The following EFHD2 variants were observed in gnomAD, a reference collection of about 807,000 sequenced individuals.
EFHD2 encodes EF-hand domain-containing protein D2.
A neutral mutation model predicts 20.3 loss-of-function variants in EFHD2; 12 were observed. The ratio of observed to expected loss-of-function variants is 0.59; its 90% confidence interval spans 0.38 to 0.96. The LOEUF is 0.96. EFHD2 is among the 40% of genes least tolerant of loss of function. The pLI, the probability that EFHD2 is intolerant of heterozygous loss-of-function variation, is 0.00. For synonymous variants in EFHD2, 131 were observed against 143.9 expected, an observed-to-expected ratio of 0.91 and a Z score of 0.64; for missense variants, 250 against 334.3, an observed-to-expected ratio of 0.75 and a Z score of 1.97.
intron 1 of EFHD2, among the ~76,000 whole-genome samples, chr1:15,418,550 C>A (rs1198828008): frequency 6.6e-6 from 1 of 152,038 alleles, no homozygotes; most frequent in African/African-American, 2.4e-5. Context: ...TGTGATCCGC[C>A]CGCCTTGGCC....
rs79208067 is a variant in EFHD2, at chr1:15,417,329, G to T, written c.308+7050G>T. The stretch of plus-strand genomic sequence containing the variant: ...AAACACTGGGTTATGTTAATATTAG[G>T]CATTCAATAAATATTCTTTATAATC... On this transcript the variant is annotated intron_variant, in intron 1 of 3. Transcript: ENST00000375980. 7.4e-3 allele frequency among the ~76,000 whole-genome samples: 1,126 copies of T among 152,290 alleles called. 13 individuals are homozygous for T. Among genetic ancestry groups the T allele is most frequent in the African/African-American group, 0.026 (1,065 of 41,530 alleles).
chr1:15,420,509 T>C (rs1707771023), intron 1 of EFHD2, among the ~76,000 whole-genome samples: 1 of 140,646 alleles, frequency 7.1e-6, no homozygotes, highest in Non-Finnish European at 1.5e-5. Context: ...GCCCAGCTAA[T>C]TATTTATTTA....
intron 1 of EFHD2, among the ~76,000 whole-genome samples, chr1:15,425,146 A>G (rs1454087706): frequency 6.6e-6 from 1 of 152,142 alleles, no homozygotes; most frequent in Non-Finnish European, 1.5e-5. Context: ...CCAAGTGCCC[A>G]TGGAGATGCC....
chr1:15,414,838 T>C (rs1258069984), intron 1 of EFHD2, among the ~76,000 whole-genome samples: 2 of 152,144 alleles, frequency 1.3e-5, no homozygotes, highest in Non-Finnish European at 2.9e-5. Context: ...TCACCTAGTT[T>C]CAGGGAAGGC....
At chr1:15,418,426 C>T (rs973927851) in intron 1 of EFHD2, among the ~76,000 whole-genome samples, 34 of 151,202 alleles carry the variant, frequency 2.2e-4, no homozygotes, top group Admixed American at 2.6e-4. Context: ...CTGCCTCAGC[C>T]TCCCGAGTAG....
chr1:15,424,538 G>A (rs1045627710), intron 1 of EFHD2, among the ~76,000 whole-genome samples: 1 of 152,092 alleles, frequency 6.6e-6, no homozygotes, highest in African/African-American at 2.4e-5. Flanking sequence ...TCTATCGCCC[G>A]ATGCTTGTTC....
chr1:15,427,493 G>T (rs1188653531), intron 3 of EFHD2, among the ~76,000 whole-genome samples: 1 of 152,216 alleles, frequency 6.6e-6, no homozygotes, highest in Non-Finnish European at 1.5e-5. Flanking sequence ...CAAGGGGGTG[G>T]GTGAGGGGGG....
rs1345000358 is a variant in EFHD2, at chr1:15,413,643, T to C, written c.308+3364T>C. ...TTCCTCCTGAGAGAGACCTGAAGGG[T>C]TGACTCCAACCCCTCTCCCCATTTG... On this transcript the variant is annotated intron_variant, in intron 1 of 3. Transcript: ENST00000375980. The surrounding 1 kb of genome is among the most constrained non-coding windows in gnomAD (Gnocchi z 4.4). Among the ~76,000 whole-genome samples, 1 of 152,040 alleles carries C rather than the reference T, an allele frequency of 6.6e-6. No homozygotes were observed. Among genetic ancestry groups the C allele is most frequent in the Non-Finnish European group, 1.5e-5 (1 of 67,998 alleles).
At chr1:15,427,010 C>T (rs1277181812) in intron 2 of EFHD2, 140 bp from the exon 3 acceptor site, 12 of 1,163,190 alleles carry the variant, frequency 1.0e-5, no homozygotes, top group Middle Eastern at 5.9e-4. Flanking sequence ...ACGGGAGCAG[C>T]AAGGGGCGAG....
At chr1:15,418,527 A>G (rs112146896) in intron 1 of EFHD2, among the ~76,000 whole-genome samples, 20,026 of 150,508 alleles carry the variant, frequency 0.13, 2,105 homozygotes, top group African/African-American at 0.3. Context: ...GGATGGTCTC[A>G]ATCTCCTGAC....
chr1:15,423,674 A>G (rs1324931926), intron 1 of EFHD2, among the ~76,000 whole-genome samples: 1 of 152,182 alleles, frequency 6.6e-6, no homozygotes, highest in African/African-American at 2.4e-5. Flanking sequence ...ATCTCAGTAC[A>G]TGGTTGCTAT....
At chr1:15,428,483 C>T (rs770745064) in intron 3 of EFHD2, 110 bp from the exon 4 acceptor site, 184 of 1,358,470 alleles carry the variant, frequency 1.4e-4, no homozygotes, top group Non-Finnish European at 1.7e-4. Context: ...GGCGACAGAG[C>T]GAGACTTTGT....
chr1:15,427,262 C>A lies in EFHD2; in HGVS notation c.569C>A (p.Ala190Asp). The A allele has an allele frequency of 6.2e-7, 1 of 1,607,090 alleles. No homozygotes were observed. ...IDVSSEGVKG[A>D]KSFFEAKVQA... Reference sequence around the variant, plus strand: ...GTCTCCAGTGAGGGTGTCAAGGGGGCCAAGAGCTTCTTTGAGGCCAAGGTG... The same window carrying A: ...GTCTCCAGTGAGGGTGTCAAGGGGGACAAGAGCTTCTTTGAGGCCAAGGTG... Residue 190 changes from alanine (A) to aspartate (D), a missense_variant, in exon 3 of 4, where the codon GCC (alanine) becomes GAC (aspartate). By Grantham distance (126) the Ala-to-Asp change is moderately radical. Transcript: ENST00000375980.
At chr1:15,415,937 G>A (rs1376447704) in intron 1 of EFHD2, among the ~76,000 whole-genome samples, 1 of 152,174 alleles carries the variant, frequency 6.6e-6, no homozygotes, top group Non-Finnish European at 1.5e-5. Flanking sequence ...GTGAAGCCGT[G>A]TTTGTGGCTG....
chr1:15,422,085 ATTTTTT>A (rs71000400), intron 1 of EFHD2, among the ~76,000 whole-genome samples: 2 of 86,638 alleles, frequency 2.3e-5, no homozygotes, highest in Admixed American at 1.4e-4. Flanking sequence ...AGGTCATTCC[ATTTTTT>A]TTTTTTTTTT....
At chr1:15,425,399 C>G (rs2103279450) in intron 1 of EFHD2, among the ~76,000 whole-genome samples, 3 of 152,166 alleles carry the variant, frequency 2.0e-5, no homozygotes, top group Non-Finnish European at 4.4e-5. Flanking sequence ...GTGGTGCATG[C>G]CTGTAGTCCC....
chr1:15,421,068 C>T (rs1203579798), intron 1 of EFHD2, among the ~76,000 whole-genome samples: 1 of 152,100 alleles, frequency 6.6e-6, no homozygotes, highest in African/African-American at 2.4e-5. Context: ...CTGCTTGTAT[C>T]GTCTCTTTTA....
rs1351464793 is a variant in EFHD2 at position 15,426,531 on chromosome 1, C to T, written c.456+513C>T. ...CGATGATACTGGACCCCAGGAAGTA[C>T]AGGGATGGACCCCAGGAAGCACAGG... On this transcript the variant is annotated intron_variant, in intron 2 of 3. Coordinates refer to ENST00000375980, the MANE Select transcript of EFHD2 (RefSeq NM_024329.6). The surrounding 1 kb of genome is among the most constrained non-coding windows in gnomAD (Gnocchi z 4.6). 6.6e-6 allele frequency among the ~76,000 whole-genome samples: 1 copy of T among 152,050 alleles called. No individual in the cohort carries two copies. The highest frequency in any genetic ancestry group is 1.5e-5 in the Non-Finnish European group (1 of 68,000).
At chr1:15,423,447 G>A (rs938344622) in intron 1 of EFHD2, among the ~76,000 whole-genome samples, 4 of 152,178 alleles carry the variant, frequency 2.6e-5, no homozygotes, top group African/African-American at 9.7e-5. Flanking sequence ...CCAGGCAGCC[G>A]TCTGTGTTCT....
Sources: allele counts gnomAD v4.1 joint callset (sites outside exome capture counted in the v4.1 genomes callset), GRCh38; gene constraint gnomAD v4.1.1; non-coding constraint Gnocchi (gnomAD v3.1); transcripts MANE v1.5; gene names NCBI Gene and HGNC (gene_info 2026-07-23, HGNC 2026-07-21).